AIF1L: variants seen among roughly 807,000 people sequenced by gnomAD.
AIF1L encodes the protein allograft inflammatory factor 1-like.
AIF1L carries 12 observed loss-of-function variants against 20.7 expected under a neutral mutation model. The ratio of observed to expected loss-of-function variants is 0.58; its 90% confidence interval spans 0.37 to 0.94. The LOEUF is 0.94. AIF1L is among the 40% of genes least tolerant of loss of function. The pLI is 0.01. For missense variants in AIF1L, 173 were observed against 185.3 expected, an observed-to-expected ratio of 0.93 and a Z score of 0.39; for synonymous variants, 76 against 65.1, an observed-to-expected ratio of 1.17 and a Z score of -0.81.
At chr9:131,106,452 G>A (rs1346763729) in intron 2 of AIF1L, among the ~76,000 whole-genome samples, 1 of 152,192 alleles carries the variant, frequency 6.6e-6, no homozygotes, top group Non-Finnish European at 1.5e-5. Flanking sequence ...GCGATTGGAA[G>A]TCGGGGCAGC....
At chr9:131,106,366 G>A (rs556259798) in intron 2 of AIF1L, 8 of 880,836 alleles carry the variant, frequency 9.1e-6, no homozygotes, top group Non-Finnish European at 1.4e-5. Context: ...GAGGCAGAGA[G>A]GGTGTAGTAA....
Position 131,121,058 on chromosome 9 carries a change from T to C in AIF1L, c.*736T>C, listed in dbSNP as rs150788810. On this transcript the variant is annotated 3_prime_UTR_variant, in exon 6 of 6. Coordinates refer to ENST00000247291, the MANE Select transcript of AIF1L (RefSeq NM_031426.4). The stretch of plus-strand genomic sequence containing the variant: ...CAGCAGAGGGCTTCGGAGGCAGAAG[T>C]GAGGCCTGGGGTTTTGGGGGAAAGG... The C allele has an allele frequency of 1.4e-6, 1 of 695,156 alleles. No homozygotes were observed. The highest frequency in any genetic ancestry group is 2.1e-5 in the Admixed American group (1 of 48,246). 43.1% of individuals were successfully genotyped at this position (695,156 alleles called of 1,614,324 possible).
chr9:131,113,497 CAAAAAAAAAAAA>C (rs3057292), intron 3 of AIF1L, among the ~76,000 whole-genome samples: 1 of 49,334 alleles, frequency 2.0e-5, no homozygotes, highest in African/African-American at 7.6e-5. Flanking sequence ...GACTCCATCT[CAAAAAAAAAAAA>C]AAAAAAAAAA....
intron 3 of AIF1L, chr9:131,114,350 C>T (rs567840681): frequency 1.9e-6 from 1 of 524,258 alleles, no homozygotes; most frequent in African/African-American, 1.9e-5. Flanking sequence ...GGCCCCCAGC[C>T]ATCTTTCCCT....
chr9:131,097,536 G>C (rs1321085890), intron 2 of AIF1L, among the ~76,000 whole-genome samples: 1 of 152,204 alleles, frequency 6.6e-6, no homozygotes, highest in Non-Finnish European at 1.5e-5. Context: ...ATTGCCTTAA[G>C]GGATTCAATG....
intron 3 of AIF1L, 52 bp downstream of exon 3, chr9:131,111,715 C>A: frequency 6.4e-7 from 1 of 1,567,042 alleles, no homozygotes; most frequent in Non-Finnish European, 8.8e-7. Flanking sequence ...GTGGGCTGGC[C>A]CCTCATCCTT....
chr9:131,108,906 T>C (rs1020885880), intron 2 of AIF1L, among the ~76,000 whole-genome samples: 2 of 152,246 alleles, frequency 1.3e-5, no homozygotes, highest in Admixed American at 1.3e-4. Context: ...TATAGTCAGT[T>C]AGTTCTTGTC....
intron 3 of AIF1L, chr9:131,111,993 A>ACAAT (rs1183590177): frequency 3.0e-6 from 1 of 335,792 alleles, no homozygotes; most frequent in African/African-American, 2.1e-5. Context: ...GGCCCCGCAC[A>ACAAT]CAATCAGCTC....
At chr9:131,118,563 T>C (rs910123455) in intron 5 of AIF1L, among the ~76,000 whole-genome samples, 10 of 151,296 alleles carry the variant, frequency 6.6e-5, no homozygotes, top group African/African-American at 9.7e-5. Context: ...TTTTTTTTTT[T>C]CTTTTTGAGA....
intron 2 of AIF1L, among the ~76,000 whole-genome samples, chr9:131,097,932 A>C (rs1490815899): frequency 6.6e-6 from 1 of 152,254 alleles, no homozygotes; most frequent in Admixed American, 6.5e-5. Flanking sequence ...CTGGTGGCAG[A>C]GGCACGCCCG....
intron 2 of AIF1L, among the ~76,000 whole-genome samples, chr9:131,099,650 G>T (rs1169360183): frequency 6.6e-6 from 1 of 151,998 alleles, no homozygotes; most frequent in South Asian, 2.1e-4. Context: ...TCTCTGGGCC[G>T]ATACCTAGTT....
Position 131,123,127 on chromosome 9 carries a change from A to G in AIF1L, c.*2805A>G, listed in dbSNP as rs1241345757. The G allele has an allele frequency of 6.6e-6, 1 of 152,272 alleles. No homozygotes were observed. Among genetic ancestry groups the G allele is most frequent in the Non-Finnish European group, 1.5e-5 (1 of 68,058 alleles). The allele number at this position is 152,272 out of a possible 1,614,324, so 9.4% of individuals were successfully genotyped here. A position where few individuals can be genotyped will look rare whatever the true frequency, so the allele number is the denominator to read the frequency against. On this transcript the variant is annotated 3_prime_UTR_variant, in exon 6 of 6. Coordinates refer to ENST00000247291, the MANE Select transcript of AIF1L (RefSeq NM_031426.4). Reference sequence around the variant, plus strand: ...GGGATATCATCTCTACAGCCTGCAAATAAACCAGACAAACTTACCAACGTC... The same window carrying G: ...GGGATATCATCTCTACAGCCTGCAAGTAAACCAGACAAACTTACCAACGTC...
rs1159706215 is a variant in AIF1L at position 131,096,624 on chromosome 9, C to G, written c.-6C>G. 6.7e-7 allele frequency: 1 copy of G among 1,484,292 alleles called. No homozygotes were observed. The highest frequency in any genetic ancestry group is 8.9e-7 in the Non-Finnish European group (1 of 1,125,672). The allele number at this position is 1,484,292 out of a possible 1,614,324, so 91.9% of individuals were successfully genotyped here. The stretch of plus-strand genomic sequence containing the variant: ...GCCTGGAGCCGGCGGGAGCCCCGCG[C>G]TCGCCATGTCGGGCGAGCTCAGCAA... On this transcript the variant is annotated 5_prime_UTR_variant, in exon 1 of 6. Coordinates refer to ENST00000247291, the MANE Select transcript of AIF1L (RefSeq NM_031426.4).
At chr9:131,116,237 A>C (rs188991144) in intron 4 of AIF1L, among the ~76,000 whole-genome samples, 24 of 152,230 alleles carry the variant, frequency 1.6e-4, no homozygotes, top group African/African-American at 5.5e-4. Context: ...GAAATAAAAC[A>C]ATGGTGAGTA....
rs1831156452 is a variant in AIF1L, at chr9:131,122,269, TAAGGCA to T, written c.*1948_*1953del. 6.6e-6 allele frequency: 1 copy of T among 152,408 alleles called. No individual in the cohort carries two copies. Among genetic ancestry groups the T allele is most frequent in the African/African-American group, 2.4e-5 (1 of 41,340 alleles). The allele number at this position is 152,408 out of a possible 1,614,324, so 9.4% of individuals were successfully genotyped here. ...TAGCAGATTGAGGGAGGAAAACAGG[TAAGGCA>T]TGAGGAAATGGCCAGGTTGGGTTAA... On this transcript the variant is annotated 3_prime_UTR_variant, in exon 6 of 6. Coordinates refer to ENST00000247291, the MANE Select transcript of AIF1L (RefSeq NM_031426.4).
chr9:131,119,164 C>T (rs1831077572), intron 5 of AIF1L, among the ~76,000 whole-genome samples: 1 of 44,490 alleles, frequency 2.2e-5, no homozygotes, highest in Admixed American at 4.4e-4. Context: ...AAGAGCGTTA[C>T]AGCATTGCCC....
chr9:131,114,473 C>A, intron 3 of AIF1L, 104 bp from the exon 4 acceptor site: 1 of 1,341,978 alleles, frequency 7.5e-7, no homozygotes, highest in Non-Finnish European at 1.1e-6. Context: ...GGAGGTGGTT[C>A]AGACTCCTGA....
rs771476718 is a variant in AIF1L at position 131,120,221 on chromosome 9, C to T, written c.366-14C>T. On this transcript the variant is annotated splice_polypyrimidine_tract_variant and intron_variant, in intron 5 of 5. Transcript: ENST00000247291. ...TTTTTCTTTCTTTTTTTCTTTTCTC[C>T]ATCTCCAAACCAGAGTCATGATGTT... The T allele has an allele frequency of 1.2e-6, 2 of 1,607,182 alleles. No homozygotes were observed. Among genetic ancestry groups the T allele is most frequent in the Admixed American group, 1.7e-5 (1 of 57,990 alleles).
chr9:131,099,961 A>C (rs1830602175), intron 2 of AIF1L, among the ~76,000 whole-genome samples: 1 of 152,084 alleles, frequency 6.6e-6, no homozygotes, highest in Admixed American at 6.6e-5. Flanking sequence ...TCCTGACCTC[A>C]GGTGATCTGC....
Sources: gnomAD v4.1 joint callset for allele counts (sites outside exome capture counted in the v4.1 genomes callset) on GRCh38, gnomAD v4.1.1 for gene constraint, MANE v1.5 for transcripts, NCBI Gene and HGNC (gene_info 2026-07-23, HGNC 2026-07-21) for gene names.